PTPRD: variants seen among roughly 807,000 people sequenced by gnomAD.
The protein encoded by PTPRD is receptor-type tyrosine-protein phosphatase delta.
PTPRD carries 34 observed loss-of-function variants against 214.5 expected under a neutral mutation model. The observed-to-expected ratio is 0.16, with a 90% CI of 0.12 to 0.21. The LOEUF is 0.21. Among genes scored for constraint, PTPRD ranks in the 10% least tolerant of loss-of-function variants. The pLI is 1.00. For synonymous variants in PTPRD, 1,128 were observed against 845.7 expected, an observed-to-expected ratio of 1.33 and a Z score of -5.79; for missense variants, 2,545 against 2,398.7, an observed-to-expected ratio of 1.06 and a Z score of -1.27.
At chr9:8,805,684 C>A (rs1271865745) in intron 11 of PTPRD, among the ~76,000 whole-genome samples, 1 of 151,020 alleles carries the variant, frequency 6.6e-6, no homozygotes, top group Non-Finnish European at 1.5e-5. Context: ...CTCACAGCAA[C>A]CTCCACCCCC....
intron 8 of PTPRD, among the ~76,000 whole-genome samples, chr9:9,517,830 T>C (rs1467386694): frequency 6.6e-6 from 1 of 152,002 alleles, no homozygotes; most frequent in African/African-American, 2.4e-5. Context: ...CTGGGGTGAA[T>C]AGACAATGCT....
chr9:10,117,626 C>G, intron 3 of PTPRD, among the ~76,000 whole-genome samples: 1 of 114,234 alleles, frequency 8.8e-6, no homozygotes, highest in African/African-American at 3.5e-5. Context: ...TTTTTTTTTT[C>G]TTATAATAAT....
chr9:10,207,580 T>C (rs1179332987), intron 3 of PTPRD, among the ~76,000 whole-genome samples: 1 of 152,020 alleles, frequency 6.6e-6, no homozygotes. Flanking sequence ...TGTATTCTAA[T>C]GAAAATATTA....
chr9:8,957,400 G>A (rs1467843495), intron 11 of PTPRD, among the ~76,000 whole-genome samples: 2 of 151,472 alleles, frequency 1.3e-5, no homozygotes. Flanking sequence ...TCTACATTCA[G>A]TATTTCCTTA....
chr9:10,143,061 G>A (rs1815390539), intron 3 of PTPRD, among the ~76,000 whole-genome samples: 1 of 152,040 alleles, frequency 6.6e-6, no homozygotes, highest in Admixed American at 6.6e-5. Flanking sequence ...ACTCATAGGT[G>A]GGAATTGAAC....
At chr9:10,250,034 T>A (rs2092621575) in intron 3 of PTPRD, among the ~76,000 whole-genome samples, 1 of 95,082 alleles carries the variant, frequency 1.1e-5, no homozygotes, top group Non-Finnish European at 2.9e-5. Context: ...TTGTCTAAAA[T>A]GAATATTAAG....
chr9:8,617,287 T>G (rs1277832985), intron 14 of PTPRD, among the ~76,000 whole-genome samples: 1 of 152,046 alleles, frequency 6.6e-6, no homozygotes, highest in African/African-American at 2.4e-5. Flanking sequence ...GTCTACTCAG[T>G]GTCTCTGATG....
chr9:8,325,490 T>C (rs972330919), intron 44 of PTPRD, among the ~76,000 whole-genome samples: 5 of 149,048 alleles, frequency 3.4e-5, no homozygotes, highest in African/African-American at 1.2e-4. Context: ...TTTTGGTTAC[T>C]GTAGCCTTGT....
At chr9:10,507,551 C>T (rs1343867757) in intron 2 of PTPRD, among the ~76,000 whole-genome samples, 1 of 152,102 alleles carries the variant, frequency 6.6e-6, no homozygotes, top group Admixed American at 6.6e-5. Context: ...TCAAACTATA[C>T]TACAAGACTA....
chr9:10,454,349 T>A (rs2098887312), intron 2 of PTPRD, among the ~76,000 whole-genome samples: 1 of 151,536 alleles, frequency 6.6e-6, no homozygotes, highest in African/African-American at 2.4e-5. Flanking sequence ...TAGTACAGGG[T>A]TTTACAGTCT....
intron 10 of PTPRD, among the ~76,000 whole-genome samples, chr9:9,023,524 G>C (rs2099576521): frequency 6.6e-6 from 1 of 151,850 alleles, no homozygotes. Context: ...ACACTTAGTT[G>C]CTTTTATTTA....
intron 7 of PTPRD, among the ~76,000 whole-genome samples, chr9:9,680,389 C>T (rs1050671616): frequency 6.6e-6 from 1 of 151,728 alleles, no homozygotes. Context: ...GTGGATCAAG[C>T]CCAGAAATTA....
At chr9:8,883,036 AGTGAATACTG>A (rs2098459708) in intron 11 of PTPRD, among the ~76,000 whole-genome samples, 1 of 152,108 alleles carries the variant, frequency 6.6e-6, no homozygotes, top group African/African-American at 2.4e-5. Context: ...TTCCCCCCAC[AGTGAATACTG>A]GTCTGCTGTT....
chr9:8,401,988 T>G (rs1300341401), intron 36 of PTPRD, among the ~76,000 whole-genome samples: 1 of 152,192 alleles, frequency 6.6e-6, no homozygotes, highest in Non-Finnish European at 1.5e-5. Flanking sequence ...AAAGCTGTCT[T>G]TAGAGGAGAA....
chr9:9,947,534 T>C lies in PTPRD; in HGVS notation c.-471-8924A>G, dbSNP rs1334447752. Among the ~76,000 whole-genome samples the C allele has an allele frequency of 1.4e-4, 3 of 21,036 alleles. No homozygotes were observed. In the African/African-American group the frequency reaches 1.6e-3, roughly 11 times the overall value. 13.8% of individuals were successfully genotyped at this position (21,036 alleles called of 152,430 possible). ...TATAATATATATATTATATATATTT[T>C]ATATATAATATATATATTATATATA... On this transcript the variant is annotated intron_variant, in intron 4 of 45. Transcript: ENST00000381196.
At chr9:10,286,315 G>A (rs2095351773) in intron 3 of PTPRD, among the ~76,000 whole-genome samples, 2 of 152,168 alleles carry the variant, frequency 1.3e-5, no homozygotes, top group African/African-American at 4.8e-5. Flanking sequence ...AGTGATATGT[G>A]CCTGCAGCGA....
At chr9:9,407,207 T>C (rs1297081928) in intron 8 of PTPRD, among the ~76,000 whole-genome samples, 1 of 151,784 alleles carries the variant, frequency 6.6e-6, no homozygotes, top group Non-Finnish European at 1.5e-5. Context: ...GTTTTTGGTG[T>C]CTGGCTTTTT....
intron 11 of PTPRD, among the ~76,000 whole-genome samples, chr9:8,755,747 T>C (rs113042750): frequency 5.7e-4 from 87 of 152,276 alleles, no homozygotes; most frequent in African/African-American, 2.0e-3. Flanking sequence ...AGAAACTAAA[T>C]TGATCACTAA....
intron 44 of PTPRD, among the ~76,000 whole-genome samples, chr9:8,326,268 T>A (rs531422906): frequency 1.1e-4 from 16 of 152,214 alleles, no homozygotes; most frequent in Admixed American, 3.3e-4. Flanking sequence ...TTTTGAGAGT[T>A]GTTAGCATAA....
Sources: allele counts gnomAD v4.1 joint callset (sites outside exome capture counted in the v4.1 genomes callset), GRCh38; gene constraint gnomAD v4.1.1; transcripts MANE v1.5; gene names NCBI Gene and HGNC (gene_info 2026-07-23, HGNC 2026-07-21).